SLC4A5: variants seen among roughly 807,000 people sequenced by gnomAD.
The protein encoded by SLC4A5 is electrogenic sodium bicarbonate cotransporter 4.
In SLC4A5, 96 loss-of-function variants were observed where a neutral mutation model predicts 120.4. That is an observed-to-expected ratio of 0.80 (90% confidence interval 0.68 to 0.94). The LOEUF (loss-of-function observed/expected upper bound fraction) is 0.94. Ranked by LOEUF, SLC4A5 falls within the 40% of genes least tolerant of loss-of-function variation. The pLI, the probability that SLC4A5 is intolerant of heterozygous loss-of-function variation, is 0.00. For synonymous variants in SLC4A5, 550 were observed against 571.1 expected, an observed-to-expected ratio of 0.96 and a Z score of 0.53; for missense variants, 1,259 against 1,459.5, an observed-to-expected ratio of 0.86 and a Z score of 2.24.
chr2:74,255,631 C>G lies in SLC4A5; in HGVS notation c.1025+144G>C. On this transcript the variant is annotated intron_variant, in intron 13 of 30. Transcript: ENST00000394019. This position sits in a 1 kb window ranked among gnomAD's most constrained non-coding sequence, Gnocchi z 4.0. ...TTTTTAATAAACTCTAAAACTCTTC[C>G]CTAGTCAGAAGATTTCCCTTCCCAG... 1.1e-6 allele frequency: 1 copy of G among 951,292 alleles called. No homozygotes were observed. Among genetic ancestry groups the G allele is most frequent in the Non-Finnish European group, 1.5e-6 (1 of 649,694 alleles). The allele number at this position is 951,292 out of a possible 1,614,324, so 58.9% of individuals were successfully genotyped here. A position where few individuals can be genotyped will look rare whatever the true frequency, so the allele number is the denominator to read the frequency against.
At chr2:74,260,061 C>T (rs1417564734) in intron 11 of SLC4A5, among the ~76,000 whole-genome samples, 1 of 152,184 alleles carries the variant, frequency 6.6e-6, no homozygotes, top group Non-Finnish European at 1.5e-5. Flanking sequence ...CTCTGTCCTC[C>T]ATGACCGGTG....
intron 6 of SLC4A5, 85 bp from the exon 7 acceptor site, chr2:74,304,765 T>A: frequency 7.2e-7 from 1 of 1,392,042 alleles, no homozygotes. Flanking sequence ...ACAAAGAGAT[T>A]GGGCTGCAGA....
chr2:74,220,556 G>C (rs376833480), intron 30 of SLC4A5, among the ~76,000 whole-genome samples: 18 of 151,162 alleles, frequency 1.2e-4, no homozygotes, highest in Non-Finnish European at 2.2e-4. Flanking sequence ...TTGCTCTGTT[G>C]CCCAGGCTGG....
intron 7 of SLC4A5, among the ~76,000 whole-genome samples, chr2:74,287,848 A>G (rs1642360049): frequency 6.6e-6 from 1 of 152,062 alleles, no homozygotes; most frequent in Non-Finnish European, 1.5e-5. Flanking sequence ...CTCAGCCTAG[A>G]AACAGCTCTT....
intron 17 of SLC4A5, 62 bp downstream of exon 17, chr2:74,250,281 C>T: frequency 6.4e-7 from 1 of 1,552,974 alleles, no homozygotes; most frequent in African/African-American, 1.4e-5. Context: ...GATGAAGCTT[C>T]CTGCTGCCAC....
chr2:74,314,452 G>A (rs1347243338), intron 6 of SLC4A5, among the ~76,000 whole-genome samples: 2 of 152,170 alleles, frequency 1.3e-5, no homozygotes, highest in Non-Finnish European at 2.9e-5. Flanking sequence ...TGGGGCTGGG[G>A]TAACGATGGC....
At chr2:74,294,449 TG>T (rs1349049179) in intron 7 of SLC4A5, among the ~76,000 whole-genome samples, 2 of 152,224 alleles carry the variant, frequency 1.3e-5, no homozygotes, top group Non-Finnish European at 2.9e-5. Context: ...TCAATTTGCA[TG>T]TTGTCCTTAT....
At position 74,222,447 on chromosome 2, in the gene SLC4A5, C is replaced by T. The variant is rs1034470071; in HGVS notation, c.3331+421G>A. Among the ~76,000 whole-genome samples, 6 of 152,170 alleles carry T rather than the reference C, an allele frequency of 3.9e-5. No individual in the cohort carries two copies. In the South Asian group the frequency reaches 6.2e-4, roughly 16 times the overall value. On this transcript the variant is annotated intron_variant, in intron 29 of 30. Transcript: ENST00000394019. ...TCTGCCAAGGACAAAGGTCTTCTAGCGCAGGGGTCCTCAGCTCCCAGGCCA... is the reference window on the plus strand; with the variant it reads ...TCTGCCAAGGACAAAGGTCTTCTAGTGCAGGGGTCCTCAGCTCCCAGGCCA...
At chr2:74,310,701 G>A (rs1021199705) in intron 6 of SLC4A5, among the ~76,000 whole-genome samples, 3 of 152,042 alleles carry the variant, frequency 2.0e-5, no homozygotes, top group African/African-American at 7.2e-5. Context: ...AATTTGATCT[G>A]CTAGCATTTT....
At chr2:74,270,602 G>A (rs1201692066) in intron 8 of SLC4A5, among the ~76,000 whole-genome samples, 3 of 152,232 alleles carry the variant, frequency 2.0e-5, no homozygotes, top group Admixed American at 6.5e-5. Flanking sequence ...GAACCCGGGA[G>A]GCGGAGCTTG....
At chr2:74,259,827 G>T (rs1443920158) in intron 11 of SLC4A5, among the ~76,000 whole-genome samples, 184 bp from the exon 12 acceptor site, 2 of 152,138 alleles carry the variant, frequency 1.3e-5, no homozygotes, top group Non-Finnish European at 1.5e-5. Context: ...CTGCTTTCCT[G>T]AAAGAGGTGT....
intron 5 of SLC4A5, among the ~76,000 whole-genome samples, chr2:74,317,916 A>G (rs1673006274): frequency 6.6e-6 from 1 of 152,252 alleles, no homozygotes; most frequent in African/African-American, 2.4e-5. Flanking sequence ...AAACATGAAC[A>G]GCCAGCCAAG....
chr2:74,250,268 C>T (rs1670747692), intron 17 of SLC4A5, 75 bp downstream of exon 17: 2 of 1,517,302 alleles, frequency 1.3e-6, no homozygotes, highest in Admixed American at 2.0e-5. Context: ...TTTGGGATTA[C>T]AGGATGAAGC....
intron 6 of SLC4A5, among the ~76,000 whole-genome samples, chr2:74,310,125 A>G (rs909209697): frequency 4.6e-5 from 7 of 152,210 alleles, no homozygotes; most frequent in Admixed American, 4.6e-4. Flanking sequence ...ATAGAAAAGC[A>G]ACTGTCTTTT....
chr2:74,279,103 C>G (rs750260191), intron 8 of SLC4A5, among the ~76,000 whole-genome samples: 2 of 152,238 alleles, frequency 1.3e-5, no homozygotes, highest in Non-Finnish European at 2.9e-5. Context: ...TTCTTGTAAG[C>G]CTACGATGTG....
At chr2:74,321,179 G>A (rs1322058500) in intron 5 of SLC4A5, among the ~76,000 whole-genome samples, 1 of 152,150 alleles carries the variant, frequency 6.6e-6, no homozygotes, top group Non-Finnish European at 1.5e-5. Flanking sequence ...ACCTGTGGAG[G>A]ATGCTGCTAG....
intron 28 of SLC4A5, 43 bp downstream of exon 28, chr2:74,224,795 GTC>G: frequency 1.1e-5 from 17 of 1,582,104 alleles, no homozygotes; most frequent in Non-Finnish European, 1.5e-5. Context: ...TGGAGAGAAG[GTC>G]TCTCAATTTC....
At chr2:74,326,498 TC>T (rs1294090971) in intron 5 of SLC4A5, among the ~76,000 whole-genome samples, 2 of 152,140 alleles carry the variant, frequency 1.3e-5, no homozygotes, top group Non-Finnish European at 2.9e-5. Flanking sequence ...ACATCTGGGA[TC>T]CCTGAGAATC....
At chr2:74,257,200 C>T (rs1670995214) in intron 12 of SLC4A5, among the ~76,000 whole-genome samples, 1 of 152,032 alleles carries the variant, frequency 6.6e-6, no homozygotes, top group African/African-American at 2.4e-5. Context: ...CGAGGAGGGG[C>T]TCGTGAGCAA....
Sources: gnomAD v4.1 joint callset for allele counts (sites outside exome capture counted in the v4.1 genomes callset) on GRCh38, gnomAD v4.1.1 for gene constraint, Gnocchi (gnomAD v3.1) non-coding constraint, MANE v1.5 for transcripts, NCBI Gene and HGNC (gene_info 2026-07-23, HGNC 2026-07-21) for gene names.